The following ACTL6A variants were observed in gnomAD, a reference collection of about 807,000 sequenced individuals.
ACTL6A encodes the protein actin-like protein 6A.
A neutral mutation model predicts 59.2 loss-of-function variants in ACTL6A; 5 were observed. The observed-to-expected ratio is 0.08, with a 90% CI of 0.04 to 0.18. The LOEUF is 0.18. Ranked by LOEUF, ACTL6A falls within the 10% of genes least tolerant of loss-of-function variation. ACTL6A has a pLI of 1.00. For synonymous variants in ACTL6A, 154 were observed against 171.8 expected, an observed-to-expected ratio of 0.90 and a Z score of 0.81; for missense variants, 285 against 526.9, an observed-to-expected ratio of 0.54 and a Z score of 4.49.
intron 1 of ACTL6A, among the ~76,000 whole-genome samples, chr3:179,567,990 G>A (rs1013450400): frequency 7.2e-5 from 11 of 151,982 alleles, no homozygotes; most frequent in Admixed American, 5.2e-4. Flanking sequence ...TGGCCAATAT[G>A]GTGAAACCCC....
In ACTL6A at chr3:179,583,649, T is replaced by A. The variant is rs547689397; in HGVS notation, c.1122+201T>A. 3.7e-5 allele frequency: 16 copies of A among 435,196 alleles called. No homozygotes were observed. In the East Asian group the frequency reaches 6.5e-4, roughly 18 times the overall value. The allele number at this position is 435,196 out of a possible 1,614,324, so 27.0% of individuals were successfully genotyped here. A position where few individuals can be genotyped will look rare whatever the true frequency, so the allele number is the denominator to read the frequency against. On this transcript the variant is annotated intron_variant, in intron 12 of 13. Transcript: ENST00000429709. ...TTCTCTTAAATTATTTGAATCTCAT[T>A]TATTAATATTTAAATATGTATAGTC...
At chr3:179,578,694 G>A (rs1718243451) in intron 8 of ACTL6A, among the ~76,000 whole-genome samples, 1 of 152,192 alleles carries the variant, frequency 6.6e-6, no homozygotes. Context: ...AACAATGGTT[G>A]AACTAATTTA....
In ACTL6A at chr3:179,576,814, G is replaced by T. The variant is rs1718180247; in HGVS notation, c.679-10G>T. 2 of 1,613,616 alleles carry T rather than the reference G, an allele frequency of 1.2e-6. No individual in the cohort carries two copies. On this transcript the variant is annotated splice_polypyrimidine_tract_variant and intron_variant, in intron 7 of 13. Coordinates refer to ENST00000429709, the MANE Select transcript of ACTL6A (RefSeq NM_004301.5). ...AACTCCATTAACCTAGCATCTCTTG[G>T]TACTCTCAGGAAGCTGTTCGTGAAG...
At chr3:179,584,575 C>A (rs1460079802) in intron 12 of ACTL6A, among the ~76,000 whole-genome samples, 1 of 149,934 alleles carries the variant, frequency 6.7e-6, no homozygotes, top group Admixed American at 6.7e-5. Flanking sequence ...GAACTGAGAT[C>A]ACACCACTGC....
chr3:179,580,874 AC>A lies in ACTL6A; in HGVS notation c.831-19del. ...AATTATTTTTTGTCTTTTGTGTAAT[AC>A]GGTTTAATATGTTTTCAGAGTGGCT... is the stretch of plus-strand genomic sequence containing the variant. On this transcript the variant is annotated intron_variant, in intron 9 of 13. Coordinates refer to ENST00000429709, the MANE Select transcript of ACTL6A (RefSeq NM_004301.5). 1.3e-6 allele frequency: 2 copies of A among 1,567,022 alleles called. No homozygotes were observed. The highest frequency in any genetic ancestry group is 1.7e-6 in the Non-Finnish European group (2 of 1,158,128).
chr3:179,570,379 A>G lies in ACTL6A; in HGVS notation c.277+138A>G. 1 of 755,318 alleles carries G rather than the reference A, an allele frequency of 1.3e-6. No individual in the cohort carries two copies. The highest frequency in any genetic ancestry group is 2.0e-6 in the Non-Finnish European group (1 of 494,554). 46.8% of individuals were successfully genotyped at this position (755,318 alleles called of 1,614,324 possible). ...TTTTTTATTCCACAAACTGATTTCC[A>G]GACACTGAGAATACAAAGATGCATA... On this transcript the variant is annotated intron_variant, in intron 3 of 13. Transcript: ENST00000429709. The surrounding 1 kb of genome is among the most constrained non-coding windows in gnomAD (Gnocchi z 4.3).
rs886766022 is a variant in ACTL6A at position 179,569,898 on chromosome 3, A to G, written c.100A>G (p.Lys34Glu). The G allele has an allele frequency of 1.9e-6, 3 of 1,613,878 alleles. No individual in the cohort carries two copies. The highest frequency in any genetic ancestry group is 2.5e-6 in the Non-Finnish European group (3 of 1,179,792). The change falls in exon 2 of 14, where the codon AAG becomes GAG. Residue 34 changes from lysine (K) to glutamate (E), a missense_variant and splice_region_variant. Physicochemically the swap from Lys to Glu is moderately conservative, Grantham distance 56. Transcript: ENST00000429709. ...RAGYAGEDCP[K>E]VDFPTAIGMV... ...TGGTTATGCTGGTGAGGACTGCCCC[A>G]AGGTAAGTGTAATGTTAGAGTTAAT...
At chr3:179,581,817 C>CT (rs1718348134) in intron 11 of ACTL6A, among the ~76,000 whole-genome samples, 1 of 152,158 alleles carries the variant, frequency 6.6e-6, no homozygotes, top group African/African-American at 2.4e-5. Context: ...GAGACTGCAA[C>CT]TTTAACTGAA....
At chr3:179,569,347 A>G (rs147362338) in intron 1 of ACTL6A, among the ~76,000 whole-genome samples, 1 of 152,304 alleles carries the variant, frequency 6.6e-6, no homozygotes, top group African/African-American at 2.4e-5. Context: ...GGGGTACTGT[A>G]CTGTCCCTTC....
At chr3:179,581,755 A>G (rs1224374945) in intron 11 of ACTL6A, among the ~76,000 whole-genome samples, 3 of 152,230 alleles carry the variant, frequency 2.0e-5, no homozygotes, top group Non-Finnish European at 4.4e-5. Context: ...GTCAGGTTTT[A>G]AATACTAACT....
chr3:179,585,165 C>T (rs1449837377), intron 12 of ACTL6A, among the ~76,000 whole-genome samples: 3 of 152,228 alleles, frequency 2.0e-5, no homozygotes, highest in Admixed American at 1.3e-4. Context: ...TGCAGTGGCA[C>T]GATATCAGCT....
Position 179,584,794 on chromosome 3 carries a change from A to C in ACTL6A, c.1122+1346A>C, listed in dbSNP as rs539738397. Among the ~76,000 whole-genome samples, 75 of 152,244 alleles carry C rather than the reference A, an allele frequency of 4.9e-4. 1 individual carries two copies. Among genetic ancestry groups the C allele is most frequent in the Admixed American group, 1.4e-3 (22 of 15,288 alleles). ...AGCAAGACTCTGGCTCAGGAAAAAA[A>C]AACAACAACAACAAAACTTCAAGTG... is the stretch of plus-strand genomic sequence containing the variant. On this transcript the variant is annotated intron_variant, in intron 12 of 13. Coordinates refer to ENST00000429709, the MANE Select transcript of ACTL6A (RefSeq NM_004301.5).
chr3:179,572,374 G>A (rs1718033534), intron 3 of ACTL6A, among the ~76,000 whole-genome samples: 1 of 152,058 alleles, frequency 6.6e-6, no homozygotes, highest in South Asian at 2.1e-4. Flanking sequence ...GTGGGCCTGT[G>A]GAAATATATA....
intron 1 of ACTL6A, among the ~76,000 whole-genome samples, chr3:179,567,663 C>T (rs1451159266): frequency 6.6e-6 from 1 of 151,986 alleles, no homozygotes; most frequent in Non-Finnish European, 1.5e-5. Context: ...TAAATTTTAC[C>T]AACTCATATT....
intron 1 of ACTL6A, among the ~76,000 whole-genome samples, chr3:179,563,985 C>T (rs1717754628): frequency 6.6e-6 from 1 of 152,142 alleles, no homozygotes; most frequent in African/African-American, 2.4e-5. Flanking sequence ...TGGAATAATT[C>T]CTAGCCGATG....
Position 179,573,381 on chromosome 3 carries a change from A to T in ACTL6A, c.290A>T (p.Asp97Val), listed in dbSNP as rs1718070547. 1.3e-6 allele frequency: 2 copies of T among 1,582,094 alleles called. No individual in the cohort carries two copies. Among genetic ancestry groups the T allele is most frequent in the Non-Finnish European group, 1.7e-6 (2 of 1,168,404 alleles). Residue 97 changes from aspartate (D) to valine (V), a missense_variant, in exon 4 of 14, where the codon GAT (aspartate) becomes GTT (valine). Transcript: ENST00000429709. ...PLKNGMVEDW[D>V]SFQAILDHTY... ...TCTTATATTCTAGTTGAAGACTGGG[A>T]TAGTTTCCAAGCTATTTTGGATCAT...
At chr3:179,583,306 T>C (rs1255042156) in intron 11 of ACTL6A, 47 bp from the exon 12 acceptor site, 2 of 1,460,148 alleles carry the variant, frequency 1.4e-6, no homozygotes, top group Non-Finnish European at 9.5e-7. Context: ...TTTAAAACTT[T>C]TGGAAACATA....
At position 179,576,306 on chromosome 3, in the gene ACTL6A, A is replaced by C. The variant is rs771113722; in HGVS notation, c.566A>C (p.Gln189Pro). Residue 189 changes from glutamine to proline, a missense_variant, in exon 6 of 14, where the codon CAA becomes CCA. Physicochemically the swap from Gln to Pro is moderately conservative, Grantham distance 76. Transcript: ENST00000429709. ...CCAGTCCACGATGGCTATGTCCTTC[A>C]ACAAGGTAAATGTATTTAACCAGGA... is the stretch of plus-strand genomic sequence containing the variant. ...AIPVHDGYVLQQGIVKSPLAG... is the reference protein window; with the variant it reads ...AIPVHDGYVLPQGIVKSPLAG... 6.3e-7 allele frequency: 1 copy of C among 1,594,984 alleles called. No individual in the cohort carries two copies. The highest frequency in any genetic ancestry group is 1.1e-5 in the South Asian group (1 of 87,644).
Position 179,570,316 on chromosome 3 carries a change from T to C in ACTL6A, c.277+75T>C. The C allele has an allele frequency of 7.7e-7, 1 of 1,305,768 alleles. No homozygotes were observed. The highest frequency in any genetic ancestry group is 1.0e-6 in the Non-Finnish European group (1 of 977,358). The allele number at this position is 1,305,768 out of a possible 1,614,324, so 80.9% of individuals were successfully genotyped here. On this transcript the variant is annotated intron_variant, in intron 3 of 13. Coordinates refer to ENST00000429709, the MANE Select transcript of ACTL6A (RefSeq NM_004301.5). This position sits in a 1 kb window ranked among gnomAD's most constrained non-coding sequence, Gnocchi z 4.3. Reference sequence around the variant, plus strand: ...TTAGATACAAAGTAGTAGCTTCCTATAAGTTGAACATCAACCATGGTTTTT... The same window carrying C: ...TTAGATACAAAGTAGTAGCTTCCTACAAGTTGAACATCAACCATGGTTTTT...
Sources: allele counts gnomAD v4.1 joint callset (sites outside exome capture counted in the v4.1 genomes callset), GRCh38; gene constraint gnomAD v4.1.1; non-coding constraint Gnocchi (gnomAD v3.1); transcripts MANE v1.5; gene names NCBI Gene and HGNC (gene_info 2026-07-23, HGNC 2026-07-21).